The following ATOH8 variants were observed in gnomAD, a reference collection of about 807,000 sequenced individuals.
ATOH8 encodes the protein transcription factor ATOH8.
A neutral mutation model predicts 21.2 loss-of-function variants in ATOH8; 9 were observed. The observed-to-expected ratio is 0.42, with a 90% CI of 0.26 to 0.74. ATOH8 has a LOEUF of 0.74. Ranked by LOEUF, ATOH8 falls within the 30% of genes least tolerant of loss-of-function variation. The pLI, the probability that ATOH8 is intolerant of heterozygous loss-of-function variation, is 0.24. For missense variants in ATOH8, 524 were observed against 470.9 expected (o/e 1.11, Z -1.04); for synonymous variants, 253 against 224.0 (o/e 1.13, Z -1.16).
chr2:85,788,446 C>T lies in ATOH8; in HGVS notation c.*1556C>T, dbSNP rs775590892. ...GCCAGTCATCGAATCAGGATGGGCT[C>T]ACTTCAAATCCTGTGCTCTCAAACC... On this transcript the variant is annotated 3_prime_UTR_variant, in exon 3 of 3. Transcript: ENST00000306279. Among the ~76,000 whole-genome samples, 1 of 152,168 alleles carries T rather than the reference C, an allele frequency of 6.6e-6. No homozygotes were observed. The highest frequency in any genetic ancestry group is 1.9e-4 in the East Asian group (1 of 5,184).
In ATOH8 at chr2:85,790,034, C is replaced by T. The variant is rs1206128382; in HGVS notation, c.*3144C>T. ...CATTTCAGATAGATTCAGATTCCAACGGCAGTCTTCTAAACACTTTTATGC... is the reference window on the plus strand; with the variant it reads ...CATTTCAGATAGATTCAGATTCCAATGGCAGTCTTCTAAACACTTTTATGC... On this transcript the variant is annotated 3_prime_UTR_variant, in exon 3 of 3. Transcript: ENST00000306279. Among the ~76,000 whole-genome samples the T allele has an allele frequency of 2.0e-5, 3 of 152,222 alleles. No homozygotes were observed. The highest frequency in any genetic ancestry group is 2.9e-5 in the Non-Finnish European group (2 of 68,044).
intron 2 of ATOH8, chr2:85,780,938 G>T (rs1192765427): frequency 1.1e-5 from 11 of 987,050 alleles, no homozygotes; most frequent in Non-Finnish European, 1.3e-5. Flanking sequence ...AGGTGCTGGA[G>T]GCCGACTGGT....
intron 2 of ATOH8, among the ~76,000 whole-genome samples, chr2:85,777,921 C>G (rs1680372890): frequency 1.3e-5 from 2 of 152,342 alleles, no homozygotes; most frequent in Admixed American, 6.5e-5. Flanking sequence ...TGTGCCCATA[C>G]AGAGGGAGGC....
intron 2 of ATOH8, among the ~76,000 whole-genome samples, chr2:85,770,964 T>C (rs1680165078): frequency 6.6e-6 from 1 of 152,138 alleles, no homozygotes; most frequent in African/African-American, 2.4e-5. Flanking sequence ...TCCCCTCTGA[T>C]GCCCTAACTG....
intron 2 of ATOH8, chr2:85,775,289 C>T: frequency 5.1e-6 from 5 of 985,298 alleles, no homozygotes; most frequent in Non-Finnish European, 6.0e-6. Flanking sequence ...ACCATTCTTT[C>T]CACTAAAATC....
At chr2:85,775,863 G>A (rs1680307065) in intron 2 of ATOH8, among the ~76,000 whole-genome samples, 1 of 152,128 alleles carries the variant, frequency 6.6e-6, no homozygotes, top group South Asian at 2.1e-4. Context: ...TTCTTCCTGG[G>A]GAGCTAACTG....
At chr2:85,775,097 T>C (rs547911135) in intron 2 of ATOH8, 13 of 939,196 alleles carry the variant, frequency 1.4e-5, no homozygotes, top group African/African-American at 3.5e-5. Flanking sequence ...TGTCATTACA[T>C]TGTATTATAT....
intron 2 of ATOH8, among the ~76,000 whole-genome samples, chr2:85,777,232 C>T (rs563390797): frequency 2.0e-5 from 3 of 152,252 alleles, no homozygotes; most frequent in African/African-American, 7.2e-5. Flanking sequence ...GAGGGCCCCT[C>T]GGTATGGTCT....
chr2:85,757,334 T>C (rs1316754191), intron 1 of ATOH8, among the ~76,000 whole-genome samples: 1 of 152,230 alleles, frequency 6.6e-6, no homozygotes, highest in Non-Finnish European at 1.5e-5. Context: ...AGGAGCCCCT[T>C]CCTCCTCTGG....
chr2:85,790,630 C>G lies in ATOH8; in HGVS notation c.*3740C>G, dbSNP rs546689681. On this transcript the variant is annotated 3_prime_UTR_variant, in exon 3 of 3. Coordinates refer to ENST00000306279, the MANE Select transcript of ATOH8 (RefSeq NM_032827.7). ...CTCCACCTCCACCAAGTTCCCCTTT[C>G]TCACAGCTAGTGGAGGCATGAGTAG... Among the ~76,000 whole-genome samples, 69 of 152,356 alleles carry G rather than the reference C, an allele frequency of 4.5e-4. No individual in the cohort carries two copies. The highest frequency in any genetic ancestry group is 1.6e-3 in the African/African-American group (67 of 41,588).
rs1439551736 is a variant in ATOH8 at position 85,785,141 on chromosome 2, C to T, written c.961-1744C>T. ...GCCCAGGAGGACGGCTCCAGCCAAC[C>T]CAGCCTCCCCTTCTTCCTCAGGCCA... On this transcript the variant is annotated intron_variant, in intron 2 of 2. Transcript: ENST00000306279. This position sits in a 1 kb window ranked among gnomAD's most constrained non-coding sequence, Gnocchi z 4.1. Among the ~76,000 whole-genome samples the T allele has an allele frequency of 1.3e-5, 2 of 152,248 alleles. No individual in the cohort carries two copies. The highest frequency in any genetic ancestry group is 1.5e-5 in the Non-Finnish European group (1 of 68,044).
At chr2:85,763,208 AACTTTTTGCTCATGCAG>A (rs1679914436) in intron 1 of ATOH8, among the ~76,000 whole-genome samples, 1 of 152,184 alleles carries the variant, frequency 6.6e-6, no homozygotes, top group Non-Finnish European at 1.5e-5. Flanking sequence ...CAGTCTTTGG[AACTTTTTGCTCATGCAG>A]CACAAATATT....
At chr2:85,781,060 G>A in intron 2 of ATOH8, 1 of 988,068 alleles carries the variant, frequency 1.0e-6, no homozygotes, top group Non-Finnish European at 1.2e-6. Context: ...TGTGAAAGCA[G>A]ATCTGTCAAA....
chr2:85,760,044 G>A (rs1456891458), intron 1 of ATOH8, among the ~76,000 whole-genome samples: 2 of 152,142 alleles, frequency 1.3e-5, no homozygotes, highest in African/African-American at 2.4e-5. Flanking sequence ...CACATGGCTG[G>A]CCAGGAGTGG....
chr2:85,787,060 T>C lies in ATOH8; in HGVS notation c.*170T>C. 2.5e-6 allele frequency: 2 copies of C among 797,908 alleles called. No individual in the cohort carries two copies. The highest frequency in any genetic ancestry group is 4.0e-6 in the Non-Finnish European group (2 of 504,240). The allele number at this position is 797,908 out of a possible 1,614,324, so 49.4% of individuals were successfully genotyped here. The stretch of plus-strand genomic sequence containing the variant: ...GGAGCACGCCTGCCTCCCTCTCCCC[T>C]CCGCCCTCACCCAGCCAATCCGAGG... On this transcript the variant is annotated 3_prime_UTR_variant, in exon 3 of 3. Coordinates refer to ENST00000306279, the MANE Select transcript of ATOH8 (RefSeq NM_032827.7).
intron 1 of ATOH8, among the ~76,000 whole-genome samples, chr2:85,762,637 T>A (rs1679898406): frequency 1.3e-5 from 2 of 152,016 alleles, no homozygotes; most frequent in African/African-American, 2.4e-5. Context: ...TCAGGGAAAG[T>A]TCTTGGACAC....
intron 2 of ATOH8, among the ~76,000 whole-genome samples, chr2:85,770,264 C>G (rs1680145259): frequency 6.6e-6 from 1 of 152,208 alleles, no homozygotes; most frequent in Non-Finnish European, 1.5e-5. Context: ...CCTGAGATCA[C>G]CTAACCACTA....
Position 85,787,159 on chromosome 2 carries a change from C to T in ATOH8, c.*269C>T, listed in dbSNP as rs1680642211. The T allele has an allele frequency of 8.5e-6, 4 of 472,390 alleles. No individual in the cohort carries two copies. Among genetic ancestry groups the T allele is most frequent in the Admixed American group, 7.5e-5 (2 of 26,572 alleles). The allele number at this position is 472,390 out of a possible 1,614,324, so 29.3% of individuals were successfully genotyped here. ...CCCGACTCACTCAGACCCCAAGGCC[C>T]ACTGTCCAGCTGCAGAAATTCGTTG... On this transcript the variant is annotated 3_prime_UTR_variant, in exon 3 of 3. Transcript: ENST00000306279.
intron 2 of ATOH8, chr2:85,774,117 T>A: frequency 1.0e-6 from 1 of 985,438 alleles, no homozygotes; most frequent in Non-Finnish European, 1.2e-6. Flanking sequence ...TTTTGCAAAA[T>A]CTGCTCTCCC....
Sources: gnomAD v4.1 joint callset for allele counts (sites outside exome capture counted in the v4.1 genomes callset) on GRCh38, gnomAD v4.1.1 for gene constraint, Gnocchi (gnomAD v3.1) non-coding constraint, MANE v1.5 for transcripts, NCBI Gene and HGNC (gene_info 2026-07-23, HGNC 2026-07-21) for gene names.